CFAP47: variants seen among roughly 807,000 people sequenced by gnomAD.
The protein encoded by CFAP47 is cilia and flagella associated protein 47.
A neutral mutation model predicts 148.1 loss-of-function variants in CFAP47; 29 were observed. The observed-to-expected ratio is 0.20, with a 90% confidence interval of 0.15 to 0.27. The LOEUF (loss-of-function observed/expected upper bound fraction) is 0.27, where lower values mean the gene tolerates loss of function less well. Ranked by LOEUF, CFAP47 falls within the 10% of genes least tolerant of loss-of-function variation. The pLI is 1.00. For missense variants in CFAP47, 1,872 were observed against 1,697.5 expected (o/e 1.10, Z -1.81); for synonymous variants, 664 against 577.3 (o/e 1.15, Z -2.15).
At chrX:36,091,461 G>T (rs1217945262) in intron 30 of CFAP47, among the ~76,000 whole-genome samples, 1 of 111,458 alleles carries the variant, frequency 9.0e-6, no homozygotes, top group Non-Finnish European at 1.9e-5. Context: ...TCATCTCATT[G>T]CATTTCTACA....
At chrX:36,152,635 C>T (rs1939321923) in intron 37 of CFAP47, among the ~76,000 whole-genome samples, 1 of 111,721 alleles carries the variant, frequency 9.0e-6, no homozygotes, top group Non-Finnish European at 1.9e-5. Context: ...CTAGCCACCT[C>T]TAGACAGCTC....
intron 61 of CFAP47, among the ~76,000 whole-genome samples, chrX:36,364,041 AC>A (rs782515253): frequency 9.0e-6 from 1 of 111,714 alleles, no homozygotes; most frequent in East Asian, 2.8e-4. Context: ...TTTTCCTAGA[AC>A]TTTTTACCTG....
intron 56 of CFAP47, 37 bp downstream of exon 56, chrX:36,311,026 T>C: frequency 1.2e-6 from 1 of 818,288 alleles, no homozygotes; most frequent in South Asian, 3.7e-5. Flanking sequence ...TGTTATTTTA[T>C]AGGTATTTAT....
At chrX:36,299,367 T>A (rs1443486359) in intron 52 of CFAP47, among the ~76,000 whole-genome samples, 2 of 111,705 alleles carry the variant, frequency 1.8e-5, no homozygotes, top group African/African-American at 6.5e-5. Context: ...ATTAAATAAT[T>A]TCTACATTTC....
intron 21 of CFAP47, among the ~76,000 whole-genome samples, chrX:36,013,279 A>C (rs1937060515): frequency 9.0e-6 from 1 of 111,655 alleles, no homozygotes; most frequent in African/African-American, 3.3e-5. Context: ...ATAATTGCAA[A>C]TATATTTTGT....
intron 54 of CFAP47, among the ~76,000 whole-genome samples, chrX:36,304,919 T>G (rs1941334652): frequency 8.9e-6 from 1 of 112,120 alleles, no homozygotes; most frequent in Non-Finnish European, 1.9e-5. Context: ...GTGTCATACT[T>G]TCAGGTAACC....
At chrX:36,101,795 C>T (rs902882281) in intron 32 of CFAP47, among the ~76,000 whole-genome samples, 3 of 111,550 alleles carry the variant, frequency 2.7e-5, no homozygotes, top group African/African-American at 9.8e-5. Flanking sequence ...TCTCATTAGT[C>T]TCAAAAATAC....
At chrX:36,137,123 T>C (rs1490074356) in intron 33 of CFAP47, among the ~76,000 whole-genome samples, 1 of 111,081 alleles carries the variant, frequency 9.0e-6, no homozygotes, top group Admixed American at 9.6e-5. Flanking sequence ...ATACATGTCA[T>C]GGGTGTATCA....
chrX:36,185,349 A>T (rs1350279308), intron 40 of CFAP47, among the ~76,000 whole-genome samples: 1 of 110,683 alleles, frequency 9.0e-6, no homozygotes, highest in East Asian at 2.9e-4. Context: ...TCTTAATACC[A>T]TGAAACTGGG....
At chrX:36,147,301 TACTCCTCATC>T (rs781101820) in intron 36 of CFAP47, among the ~76,000 whole-genome samples, 8 of 111,805 alleles carry the variant, frequency 7.2e-5, no homozygotes, top group Non-Finnish European at 1.5e-4. Flanking sequence ...TCTTCCTATC[TACTCCTCATC>T]ACCCCTACAC....
intron 45 of CFAP47, among the ~76,000 whole-genome samples, chrX:36,218,207 G>A (rs1464401066): frequency 8.9e-6 from 1 of 112,682 alleles, no homozygotes; most frequent in Admixed American, 9.4e-5. Context: ...AAAATACAAA[G>A]TTAATTTGCT....
At position 36,035,388 on chromosome X, in the gene CFAP47, C is replaced by T. The variant is rs141588629; in HGVS notation, c.3652-307C>T. On this transcript the variant is annotated intron_variant, in intron 23 of 63. Coordinates refer to ENST00000378653, the MANE Select transcript of CFAP47 (RefSeq NM_001304548.2). ...TGTATCAACATTCCAAGATGGATTA[C>T]AGACTGTGATGCACTGTATTACAGC... Among the ~76,000 whole-genome samples the T allele has an allele frequency of 5.4e-3, 601 of 111,582 alleles. 6 individuals carry two copies. The highest frequency in any genetic ancestry group is 0.019 in the African/African-American group (577 of 30,817).
At chrX:36,137,825 A>T (rs757986192) in intron 33 of CFAP47, 133 bp from the exon 34 acceptor site, 2 of 338,886 alleles carry the variant, frequency 5.9e-6, no homozygotes, top group Non-Finnish European at 1.0e-5. Flanking sequence ...ATTTGTTTTT[A>T]TTTCCAATAT....
intron 57 of CFAP47, among the ~76,000 whole-genome samples, chrX:36,346,563 G>A (rs1569322841): frequency 9.0e-6 from 1 of 111,401 alleles, no homozygotes; most frequent in Non-Finnish European, 1.9e-5. Flanking sequence ...AGCAATTTGG[G>A]GGCTCTAAGC....
At chrX:35,935,610 G>A (rs1158970646) in intron 2 of CFAP47, among the ~76,000 whole-genome samples, 1 of 102,843 alleles carries the variant, frequency 9.7e-6, no homozygotes, top group Non-Finnish European at 2.0e-5. Flanking sequence ...TTAAATTGGT[G>A]TCCTTGTAGG....
In CFAP47 at chrX:35,921,003, G is replaced by A. The variant is rs192926965; in HGVS notation, c.249+955G>A. ...TTTTTGCTCTGTTAAAAAAATCGAT[G>A]TATTATTTACTTACTAAAGTGCACA... On this transcript the variant is annotated intron_variant, in intron 1 of 63. Transcript: ENST00000378653. 5.4e-5 allele frequency among the ~76,000 whole-genome samples: 6 copies of A among 111,972 alleles called. No homozygotes were observed. In the East Asian group the frequency reaches 1.7e-3, roughly 31 times the overall value.
At chrX:36,349,342 C>T (rs1296205877) in intron 58 of CFAP47, among the ~76,000 whole-genome samples, 1 of 111,258 alleles carries the variant, frequency 9.0e-6, no homozygotes, top group Admixed American at 9.6e-5. Context: ...TAACTTACTG[C>T]AACGTTCGCC....
chrX:35,960,569 G>A lies in CFAP47; in HGVS notation c.1410+4373G>A, dbSNP rs918422742. 5.5e-5 allele frequency among the ~76,000 whole-genome samples: 6 copies of A among 110,024 alleles called. No individual in the cohort carries two copies. The East Asian group carries it at 8.6e-4, about 16-fold the overall frequency. On this transcript the variant is annotated intron_variant, in intron 8 of 63. Transcript: ENST00000378653. ...TTTAATAATATTTGTAGTATTCAAT[G>A]TACAAGTCTTGCAATTATTTTAAAA...
At chrX:36,308,701 A>G (rs966124141) in intron 55 of CFAP47, among the ~76,000 whole-genome samples, 2 of 111,393 alleles carry the variant, frequency 1.8e-5, no homozygotes, top group African/African-American at 6.5e-5. Flanking sequence ...GATTAAATCT[A>G]TCTAAACTGA....
Sources: gnomAD v4.1 joint callset for allele counts (sites outside exome capture counted in the v4.1 genomes callset) on GRCh38, gnomAD v4.1.1 for gene constraint, MANE v1.5 for transcripts, NCBI Gene and HGNC (gene_info 2026-07-23, HGNC 2026-07-21) for gene names.